SLC2A5: variants seen among roughly 807,000 people sequenced by gnomAD.
SLC2A5 encodes the protein solute carrier family 2, facilitated glucose transporter member 5.
In SLC2A5, 56 loss-of-function variants were observed where a neutral mutation model predicts 50.3. The observed-to-expected ratio is 1.11, with a 90% CI of 0.90 to 1.39. SLC2A5 has a LOEUF of 1.39. Among genes scored for constraint, SLC2A5 ranks in the 40% most tolerant of loss-of-function variants. The pLI, the probability that SLC2A5 is intolerant of heterozygous loss-of-function variation, is 0.00. For missense variants in SLC2A5, 566 were observed against 650.1 expected (o/e 0.87, Z 1.41); for synonymous variants, 269 against 281.9 (o/e 0.95, Z 0.46).
upstream of SLC2A5, among the ~76,000 whole-genome samples, chr1:9,091,285 C>T (rs151028365): frequency 1.9e-4 from 29 of 152,290 alleles, no homozygotes; most frequent in African/African-American, 6.5e-4. Flanking sequence ...TCCGCTAAGA[C>T]CTTTTCATCT....
chr1:9,044,836 T>C (rs889106734), intron 4 of SLC2A5, among the ~76,000 whole-genome samples: 3 of 152,188 alleles, frequency 2.0e-5, no homozygotes, highest in Non-Finnish European at 4.4e-5. Context: ...ATTACAGGCA[T>C]GAGCCACTGC....
upstream of SLC2A5, among the ~76,000 whole-genome samples, chr1:9,070,289 C>T (rs1642188730): frequency 6.6e-6 from 1 of 151,958 alleles, no homozygotes; most frequent in Non-Finnish European, 1.5e-5. Context: ...CCATGTTGGC[C>T]AGGCTGGTCT....
intron 2 of SLC2A5, among the ~76,000 whole-genome samples, chr1:9,082,491 A>G (rs1642365434): frequency 1.3e-5 from 2 of 152,076 alleles, no homozygotes; most frequent in Non-Finnish European, 2.9e-5. Flanking sequence ...AGGTCGGAGG[A>G]TTGCTTGAGT....
upstream of SLC2A5, among the ~76,000 whole-genome samples, chr1:9,073,985 C>T (rs758473410): frequency 3.7e-4 from 56 of 152,044 alleles, 1 homozygote; most frequent in Non-Finnish European, 4.6e-4. Context: ...GAGGCTAAGG[C>T]GGGAGAATCG....
chr1:9,039,648 C>T lies in SLC2A5; in HGVS notation c.900G>A (p.Ala300=), dbSNP rs576666332. The T allele has an allele frequency of 1.3e-5, 20 of 1,550,836 alleles. No homozygotes were observed. The East Asian group carries it at 4.7e-4, about 36-fold the overall frequency. ...LSGVNAIYYY[A]DQIYLSAGVP... The stretch of plus-strand genomic sequence containing the variant: ...CGCCGGCGCTCAGGTAGATCTGGTC[C>T]GCGTAGTAGTAGATCTGCAAGGCAA... Residue 300 remains alanine, a synonymous_variant, in exon 8 of 12, where the codon GCG becomes GCA. Transcript: ENST00000377424.
At chr1:9,048,170 T>A (rs1205838763) in intron 3 of SLC2A5, among the ~76,000 whole-genome samples, 1 of 152,192 alleles carries the variant, frequency 6.6e-6, no homozygotes, top group South Asian at 2.1e-4. Flanking sequence ...TAGATTAAAT[T>A]CAACAGCATA....
At chr1:9,059,132 C>CT (rs1416919220) in intron 1 of SLC2A5, among the ~76,000 whole-genome samples, 12,032 of 78,454 alleles carry the variant, frequency 0.15, 1,828 homozygotes, top group Non-Finnish European at 0.19. Context: ...AGCCGCCTTT[C>CT]TTTCTTTTTT....
chr1:9,088,849 T>G (rs982985043), upstream of SLC2A5, among the ~76,000 whole-genome samples: 9 of 152,172 alleles, frequency 5.9e-5, no homozygotes, highest in Admixed American at 3.9e-4. Context: ...CCAGTCTTCC[T>G]CTCTGGAAAG....
upstream of SLC2A5, among the ~76,000 whole-genome samples, chr1:9,092,373 C>G (rs1169525424): frequency 1.3e-5 from 2 of 152,140 alleles, no homozygotes; most frequent in Non-Finnish European, 2.9e-5. Flanking sequence ...CATTCACAAC[C>G]TCTTCCACAC....
At chr1:9,079,350 G>T (rs1642328330) in intron 2 of SLC2A5, among the ~76,000 whole-genome samples, 1 of 152,176 alleles carries the variant, frequency 6.6e-6, no homozygotes, top group Non-Finnish European at 1.5e-5. Flanking sequence ...GAGTGCACGT[G>T]CACAGGAAGG....
intron 1 of SLC2A5, among the ~76,000 whole-genome samples, chr1:9,062,331 C>T (rs1641966469): frequency 6.6e-6 from 1 of 152,112 alleles, no homozygotes; most frequent in Admixed American, 6.6e-5. Context: ...AATATTTCAG[C>T]TGAGGAGAGG....
At chr1:9,038,608 C>A in intron 9 of SLC2A5, 102 bp from the exon 10 acceptor site, 1 of 1,255,856 alleles carries the variant, frequency 8.0e-7, no homozygotes. Context: ...GCACCTGGCT[C>A]CTCCCCCAGC....
At chr1:9,039,386 A>G (rs1168280732) in intron 8 of SLC2A5, among the ~76,000 whole-genome samples, 166 bp downstream of exon 8, 1 of 152,146 alleles carries the variant, frequency 6.6e-6, no homozygotes, top group Admixed American at 6.5e-5. Flanking sequence ...GGCAGCCCCA[A>G]GTGTGAGGGG....
upstream of SLC2A5, chr1:9,072,022 CT>C: frequency 6.4e-6 from 1 of 155,304 alleles, no homozygotes; most frequent in Non-Finnish European, 1.4e-5. Context: ...TCCCCTCCGC[CT>C]TTGCCCGAGT....
chr1:9,042,417 G>T (rs1380553995), intron 4 of SLC2A5, among the ~76,000 whole-genome samples: 2 of 152,054 alleles, frequency 1.3e-5, no homozygotes, highest in Admixed American at 6.6e-5. Context: ...ATATGTGTGT[G>T]TGTGTGTGCG....
At chr1:9,092,140 A>G (rs1642467359), upstream of SLC2A5, among the ~76,000 whole-genome samples, 1 of 152,164 alleles carries the variant, frequency 6.6e-6, no homozygotes, top group Admixed American at 6.5e-5. Context: ...CAAAAGCCAC[A>G]TTTCTTTAGG....
rs539268171 is a variant in SLC2A5, at chr1:9,056,873, G to A, written c.293+575C>T. On this transcript the variant is annotated intron_variant, in intron 3 of 11. Transcript: ENST00000377424. ...GTCCTGGGTCTCCACAAGCACACACGGCTCCTTCCGGGTCTGCCCGAGGGC... is the reference window on the plus strand; with the variant it reads ...GTCCTGGGTCTCCACAAGCACACACAGCTCCTTCCGGGTCTGCCCGAGGGC... 5.8e-4 allele frequency among the ~76,000 whole-genome samples: 88 copies of A among 152,236 alleles called. 1 individual carries two copies. The highest frequency in any genetic ancestry group is 2.0e-3 in the African/African-American group (85 of 41,542).
intron 4 of SLC2A5, among the ~76,000 whole-genome samples, chr1:9,045,870 C>CAAAA (rs59265235): frequency 5.4e-5 from 5 of 93,028 alleles, no homozygotes; most frequent in Admixed American, 2.3e-4. Flanking sequence ...AACTCCATCT[C>CAAAA]AAAAAAAAAA....
intron 2 of SLC2A5, chr1:9,082,711 G>A (rs893888936): frequency 6.9e-6 from 2 of 291,158 alleles, no homozygotes; most frequent in Non-Finnish European, 1.4e-5. Context: ...CTGGGGAAAG[G>A]CTCCTATGTT....
Sources: allele counts gnomAD v4.1 joint callset (sites outside exome capture counted in the v4.1 genomes callset), GRCh38; gene constraint gnomAD v4.1.1; transcripts MANE v1.5; gene names NCBI Gene and HGNC (gene_info 2026-07-23, HGNC 2026-07-21).